Variants in STXBP5L observed in about 807,000 individuals in gnomAD.
STXBP5L encodes the protein syntaxin-binding protein 5-like.
In STXBP5L, 65 loss-of-function variants were observed where a neutral mutation model predicts 144.5. The observed-to-expected ratio is 0.45, with a 90% CI of 0.37 to 0.55. The LOEUF (loss-of-function observed/expected upper bound fraction) is 0.55. Ranked by LOEUF, STXBP5L falls within the 20% of genes least tolerant of loss-of-function variation. The pLI is 0.00. For missense variants in STXBP5L, 1,298 were observed against 1,405.5 expected, an observed-to-expected ratio of 0.92 and a Z score of 1.22; for synonymous variants, 505 against 469.6, an observed-to-expected ratio of 1.08 and a Z score of -0.97.
rs1242674912 is a variant in STXBP5L, at chr3:120,957,548, C to T, written c.287+2511C>T. Among the ~76,000 whole-genome samples, 9 of 151,820 alleles carry T rather than the reference C, an allele frequency of 5.9e-5. No individual in the cohort carries two copies. The South Asian group carries it at 6.2e-4, about 11-fold the overall frequency. On this transcript the variant is annotated intron_variant, in intron 3 of 26. Transcript: ENST00000471454. Reference sequence around the variant, plus strand: ...GTTGGTTTTGGTATTAGGATAATGCCGGCCTCATAGATGAGATTGAAAGTA... The same window carrying T: ...GTTGGTTTTGGTATTAGGATAATGCTGGCCTCATAGATGAGATTGAAAGTA...
At chr3:121,337,942 C>T (rs1018694369) in intron 20 of STXBP5L, among the ~76,000 whole-genome samples, 2 of 152,058 alleles carry the variant, frequency 1.3e-5, no homozygotes, top group Non-Finnish European at 1.5e-5. Flanking sequence ...AATTAATCTG[C>T]TCCTGGATGA....
chr3:121,100,747 G>A (rs1404301868), intron 5 of STXBP5L, among the ~76,000 whole-genome samples: 1 of 151,258 alleles, frequency 6.6e-6, no homozygotes, highest in Admixed American at 6.6e-5. Context: ...ACTAAAATCA[G>A]TGCAGAACTA....
intron 9 of STXBP5L, among the ~76,000 whole-genome samples, chr3:121,194,936 A>G (rs1298743654): frequency 5.0e-5 from 2 of 40,368 alleles, no homozygotes; most frequent in African/African-American, 1.1e-4. Flanking sequence ...TTTTTTTTTG[A>G]GATGAAGTCT....
chr3:121,051,949 A>C (rs529074869), intron 5 of STXBP5L, among the ~76,000 whole-genome samples: 4 of 152,222 alleles, frequency 2.6e-5, no homozygotes, highest in Non-Finnish European at 5.9e-5. Flanking sequence ...AATATTACAA[A>C]CACCTCTATG....
intron 5 of STXBP5L, among the ~76,000 whole-genome samples, chr3:121,108,398 G>C (rs569431466): frequency 2.6e-5 from 4 of 152,206 alleles, no homozygotes; most frequent in Admixed American, 2.6e-4. Flanking sequence ...TCAATACCCA[G>C]TTTATTGAGA....
rs1576939822 is a variant in STXBP5L at position 121,095,783 on chromosome 3, A to T, written c.471-19142A>T. ...GATCGTCTGAAGCCTTCTTCTCTCA[A>T]CTCGTCAAAGTCATTCTCCATCCAG... On this transcript the variant is annotated intron_variant, in intron 5 of 26. Coordinates refer to ENST00000471454, the MANE Select transcript of STXBP5L (RefSeq NM_001308330.2). Among the ~76,000 whole-genome samples the T allele has an allele frequency of 2.0e-5, 3 of 151,994 alleles. No homozygotes were observed. In the South Asian group the frequency reaches 6.2e-4, roughly 32 times the overall value.
Position 121,250,754 on chromosome 3 carries a change from G to GCTT in STXBP5L, c.1435_1437dup (p.Ser479dup). ...AGATGGATCAATAAAATTTTGGGATGCTTCTGCAAGTAAGTTTCAAGTTTC... is the reference window on the plus strand; with the variant it reads ...AGATGGATCAATAAAATTTTGGGATGCTTCTTCTGCAAGTAAGTTTCAAGTTTC... On this transcript the variant is annotated inframe_insertion, in exon 15 of 27. Coordinates refer to ENST00000471454, the MANE Select transcript of STXBP5L (RefSeq NM_001308330.2). 1 of 1,608,562 alleles carries GCTT rather than the reference G, an allele frequency of 6.2e-7. No homozygotes were observed. Among genetic ancestry groups the GCTT allele is most frequent in the South Asian group, 1.1e-5 (1 of 90,200 alleles).
chr3:121,043,569 C>T (rs1947304935), intron 4 of STXBP5L, among the ~76,000 whole-genome samples: 1 of 152,038 alleles, frequency 6.6e-6, no homozygotes, highest in Non-Finnish European at 1.5e-5. Flanking sequence ...ATTAGTTGGA[C>T]GTGGTTGCAC....
chr3:121,213,966 T>C (rs1024457228), intron 10 of STXBP5L, among the ~76,000 whole-genome samples: 2 of 152,200 alleles, frequency 1.3e-5, no homozygotes, highest in Non-Finnish European at 2.9e-5. Flanking sequence ...TTTATCCATT[T>C]CTTCTAGATT....
intron 20 of STXBP5L, among the ~76,000 whole-genome samples, chr3:121,349,922 T>G (rs573822236): frequency 6.6e-6 from 1 of 152,270 alleles, no homozygotes; most frequent in African/African-American, 2.4e-5. Flanking sequence ...AATTTGCCAG[T>G]CTGTGTCTTT....
intron 7 of STXBP5L, among the ~76,000 whole-genome samples, chr3:121,148,913 T>G (rs555744175): frequency 2.6e-5 from 4 of 152,084 alleles, no homozygotes; most frequent in Non-Finnish European, 4.4e-5. Flanking sequence ...ATAATGAAAT[T>G]AAATTAACTA....
chr3:121,082,801 A>G (rs2042314106), intron 5 of STXBP5L, among the ~76,000 whole-genome samples: 1 of 152,236 alleles, frequency 6.6e-6, no homozygotes, highest in East Asian at 1.9e-4. Flanking sequence ...AGTGAACAAC[A>G]TTGATTGATT....
At chr3:121,010,700 C>T (rs923648364) in intron 3 of STXBP5L, among the ~76,000 whole-genome samples, 1 of 151,844 alleles carries the variant, frequency 6.6e-6, no homozygotes, top group South Asian at 2.1e-4. Flanking sequence ...ATACCTATCT[C>T]ATACATTAAA....
Position 121,233,610 on chromosome 3 carries a change from T to C in STXBP5L, c.1112-6T>C. 1 of 1,605,538 alleles carries C rather than the reference T, an allele frequency of 6.2e-7. No homozygotes were observed. Among genetic ancestry groups the C allele is most frequent in the Non-Finnish European group, 8.5e-7 (1 of 1,176,270 alleles). On this transcript the variant is annotated splice_region_variant and splice_polypyrimidine_tract_variant and intron_variant, in intron 11 of 26. Coordinates refer to ENST00000471454, the MANE Select transcript of STXBP5L (RefSeq NM_001308330.2). Reference sequence around the variant, plus strand: ...AAAACTTTTCATTTTTTATTTTTACTTGTAGAATTTCAAGAACCCTATGCT... The same window carrying C: ...AAAACTTTTCATTTTTTATTTTTACCTGTAGAATTTCAAGAACCCTATGCT...
At chr3:121,322,322 T>C (rs1265802566) in intron 20 of STXBP5L, among the ~76,000 whole-genome samples, 1 of 151,796 alleles carries the variant, frequency 6.6e-6, no homozygotes, top group Non-Finnish European at 1.5e-5. Context: ...CTACTAAAAA[T>C]AAAAAATTAG....
chr3:121,285,445 T>A (rs2051199161), intron 19 of STXBP5L, among the ~76,000 whole-genome samples: 1 of 152,062 alleles, frequency 6.6e-6, no homozygotes, highest in African/African-American at 2.4e-5. Flanking sequence ...TATTTTATAA[T>A]CAGAAAACAC....
chr3:120,917,735 C>T (rs1224914657), intron 2 of STXBP5L, among the ~76,000 whole-genome samples: 1 of 152,070 alleles, frequency 6.6e-6, no homozygotes. Context: ...TAAAATAAAA[C>T]AGTAGGTATC....
intron 20 of STXBP5L, among the ~76,000 whole-genome samples, chr3:121,320,424 A>T (rs6762430): frequency 0.034 from 5,237 of 152,122 alleles, 334 homozygotes; most frequent in Admixed American, 0.17. Context: ...TACGTATCTA[A>T]GTATGCCCCT....
chr3:121,067,548 A>T (rs959186047), intron 5 of STXBP5L, among the ~76,000 whole-genome samples: 7 of 152,286 alleles, frequency 4.6e-5, no homozygotes, highest in Admixed American at 4.6e-4. Flanking sequence ...GCACATGGAC[A>T]ATTTTAGTAA....
Sources: gnomAD v4.1 joint callset for allele counts (sites outside exome capture counted in the v4.1 genomes callset) on GRCh38, gnomAD v4.1.1 for gene constraint, MANE v1.5 for transcripts, NCBI Gene and HGNC (gene_info 2026-07-23, HGNC 2026-07-21) for gene names.